The following ATRNL1 variants were observed in gnomAD, a reference collection of about 807,000 sequenced individuals.
The protein encoded by ATRNL1 is attractin like 1.
A neutral mutation model predicts 182.7 loss-of-function variants in ATRNL1; 95 were observed. That is an observed-to-expected ratio of 0.52 (90% CI 0.44 to 0.62). ATRNL1 has a LOEUF of 0.62. ATRNL1 is among the 20% of genes least tolerant of loss of function. ATRNL1 has a pLI of 0.00. For missense variants in ATRNL1, 1,471 were observed against 1,679.5 expected (o/e 0.88, Z 2.17); for synonymous variants, 576 against 568.3 (o/e 1.01, Z -0.19).
chr10:115,133,500 A>G (rs1554875763), intron 5 of ATRNL1, among the ~76,000 whole-genome samples: 1 of 152,178 alleles, frequency 6.6e-6, no homozygotes, highest in Admixed American at 6.5e-5. Flanking sequence ...AGAGCTGACT[A>G]TCCTAAATAT....
chr10:115,572,360 CAG>C (rs1180649242), intron 26 of ATRNL1, among the ~76,000 whole-genome samples: 1 of 151,800 alleles, frequency 6.6e-6, no homozygotes, highest in Admixed American at 6.6e-5. Flanking sequence ...GGTGGAGAGA[CAG>C]AGGAAAATTT....
chr10:115,339,974 CT>C (rs1201921271), intron 19 of ATRNL1, among the ~76,000 whole-genome samples: 31 of 152,216 alleles, frequency 2.0e-4, no homozygotes, highest in African/African-American at 7.5e-4. Flanking sequence ...CATTTTTATC[CT>C]TCATTCTAGT....
intron 26 of ATRNL1, among the ~76,000 whole-genome samples, chr10:115,691,290 C>A (rs1480343529): frequency 1.3e-5 from 2 of 152,152 alleles, no homozygotes; most frequent in Admixed American, 1.3e-4. Flanking sequence ...CATTGATTAT[C>A]TTTTGCTTTT....
intron 9 of ATRNL1, among the ~76,000 whole-genome samples, chr10:115,238,172 T>C (rs2133811264): frequency 6.6e-6 from 1 of 152,342 alleles, no homozygotes; most frequent in African/African-American, 2.4e-5. Flanking sequence ...CCAGGTGATG[T>C]CAATCTTTGA....
chr10:115,652,008 A>T (rs1239310158), intron 26 of ATRNL1, among the ~76,000 whole-genome samples: 1 of 152,146 alleles, frequency 6.6e-6, no homozygotes, highest in Non-Finnish European at 1.5e-5. Context: ...GAAATAGATT[A>T]TAAGATTTCT....
At chr10:115,381,998 C>T (rs1378601767) in intron 19 of ATRNL1, among the ~76,000 whole-genome samples, 3 of 152,156 alleles carry the variant, frequency 2.0e-5, no homozygotes, top group South Asian at 4.1e-4. Context: ...TGACAAGAAT[C>T]AATTGGCCAT....
chr10:115,313,295 G>GT (rs1854128316), intron 17 of ATRNL1, among the ~76,000 whole-genome samples: 2 of 151,944 alleles, frequency 1.3e-5, no homozygotes, highest in African/African-American at 4.8e-5. Context: ...TGATTCAACT[G>GT]TGCTTTTTTC....
chr10:115,126,080 A>G (rs560243207), intron 3 of ATRNL1, among the ~76,000 whole-genome samples: 1 of 152,362 alleles, frequency 6.6e-6, no homozygotes, highest in Admixed American at 6.5e-5. Flanking sequence ...TTTTTTTGAG[A>G]CGGAGTCTCG....
chr10:115,706,841 A>G (rs1490367892), intron 26 of ATRNL1, among the ~76,000 whole-genome samples: 2 of 151,870 alleles, frequency 1.3e-5, no homozygotes, highest in Non-Finnish European at 2.9e-5. Context: ...ACATAATCAG[A>G]TATTAATTTG....
At position 115,815,531 on chromosome 10, in the gene ATRNL1, C is replaced by T. The variant is rs565444677; in HGVS notation, c.3904-32346C>T. Among the ~76,000 whole-genome samples the T allele has an allele frequency of 3.6e-4, 55 of 151,212 alleles. 1 individual carries two copies. Among genetic ancestry groups the T allele is most frequent in the African/African-American group, 1.3e-3 (52 of 41,252 alleles). ...TACTTTTCTTAAATCACAAATTACA[C>T]GAAGCTTAACAAACATCCAAAAACA... On this transcript the variant is annotated intron_variant, in intron 27 of 28. Coordinates refer to ENST00000355044, the MANE Select transcript of ATRNL1 (RefSeq NM_207303.4).
chr10:115,346,621 G>T (rs1274746267), intron 19 of ATRNL1, among the ~76,000 whole-genome samples: 1 of 152,012 alleles, frequency 6.6e-6, no homozygotes, highest in Non-Finnish European at 1.5e-5. Context: ...TAAGAATATA[G>T]CTTACAAATA....
At chr10:115,500,781 TC>T (rs1321337157) in intron 24 of ATRNL1, among the ~76,000 whole-genome samples, 1 of 151,864 alleles carries the variant, frequency 6.6e-6, no homozygotes, top group Non-Finnish European at 1.5e-5. Context: ...CCTCAGGTGA[TC>T]CGCCTGCCTC....
At chr10:115,515,627 A>G (rs992808015) in intron 24 of ATRNL1, among the ~76,000 whole-genome samples, 8 of 151,840 alleles carry the variant, frequency 5.3e-5, no homozygotes, top group African/African-American at 1.9e-4. Flanking sequence ...TATATTTTAA[A>G]TCATCTGTGT....
At chr10:115,693,347 A>G (rs574734470) in intron 26 of ATRNL1, among the ~76,000 whole-genome samples, 2 of 152,268 alleles carry the variant, frequency 1.3e-5, no homozygotes, top group South Asian at 2.1e-4. Flanking sequence ...GTACGCAAAT[A>G]TTGGCTGAGA....
chr10:115,347,219 C>T (rs548355986), intron 19 of ATRNL1, among the ~76,000 whole-genome samples: 2 of 152,008 alleles, frequency 1.3e-5, no homozygotes, highest in African/African-American at 4.8e-5. Context: ...ATAATAGATG[C>T]CTGTTGTATT....
intron 8 of ATRNL1, among the ~76,000 whole-genome samples, chr10:115,205,118 C>G (rs1033676363): frequency 6.6e-6 from 1 of 151,940 alleles, no homozygotes; most frequent in Non-Finnish European, 1.5e-5. Flanking sequence ...ATTATTGTAG[C>G]TATTATTTTT....
At chr10:115,156,822 A>G (rs1564783824) in intron 5 of ATRNL1, among the ~76,000 whole-genome samples, 1 of 152,128 alleles carries the variant, frequency 6.6e-6, no homozygotes, top group Non-Finnish European at 1.5e-5. Context: ...ATGAAGTGGT[A>G]GAATAATTTT....
At chr10:115,363,274 A>G (rs1325296072) in intron 19 of ATRNL1, among the ~76,000 whole-genome samples, 2 of 152,148 alleles carry the variant, frequency 1.3e-5, no homozygotes, top group Non-Finnish European at 2.9e-5. Context: ...GTCAGTGATG[A>G]TGAGCATTTT....
At chr10:115,812,195 T>A (rs1950062353) in intron 27 of ATRNL1, among the ~76,000 whole-genome samples, 1 of 152,168 alleles carries the variant, frequency 6.6e-6, no homozygotes, top group South Asian at 2.1e-4. Flanking sequence ...TATGGGCAAC[T>A]ATAGTTGGCT....
Sources: gnomAD v4.1 joint callset for allele counts (sites outside exome capture counted in the v4.1 genomes callset) on GRCh38, gnomAD v4.1.1 for gene constraint, MANE v1.5 for transcripts, NCBI Gene and HGNC (gene_info 2026-07-23, HGNC 2026-07-21) for gene names.